SYNE4: variants seen among roughly 807,000 people sequenced by gnomAD.
SYNE4 encodes the protein spectrin repeat containing nuclear envelope family member 4, also known as nesprin-4.
A neutral mutation model predicts 46.9 loss-of-function variants in SYNE4; 41 were observed. That is an observed-to-expected ratio of 0.87 (90% CI 0.68 to 1.13). The LOEUF is 1.13. Among genes scored for constraint, SYNE4 ranks in the 50% most tolerant of loss-of-function variants. The probability of loss-of-function intolerance (pLI) is 0.00; values close to 1 mark genes in which losing one functional copy is unlikely to be tolerated. For missense variants in SYNE4, 492 were observed against 514.8 expected (o/e 0.96, Z 0.43); for synonymous variants, 221 against 219.5 (o/e 1.01, Z -0.06).
intron 5 of SYNE4, chr19:36,006,113 C>G (rs1021872848): frequency 3.4e-5 from 12 of 349,330 alleles, no homozygotes; most frequent in Non-Finnish European, 2.6e-5. Context: ...TAGGAGTGCT[C>G]ATGTTTGGAG....
chr19:36,006,456 C>G lies in SYNE4; in HGVS notation c.834G>C (p.Gln278His), dbSNP rs2285422. 1,515,766 of 1,612,406 alleles carry G rather than the reference C, an allele frequency of 0.94. 713,595 individuals carry two copies. Among genetic ancestry groups the G allele is most frequent in the African/African-American group, 0.99 (74,164 of 74,992 alleles). Residue 278 changes from glutamine (Q) to histidine (H), a missense_variant, in exon 5 of 8, where the codon CAG becomes CAC. Gln to His is a conservative substitution (Grantham distance 24). Transcript: ENST00000324444. Reference protein sequence around the residue: ...TLGVPCELCGQRGPQGRGQGL... With the variant: ...TLGVPCELCGHRGPQGRGQGL... ...CTTGTCCCCTGCCCTGGGGCCCCCT[C>G]TGGCCACACAGCTCACAGGGCACTC...
At position 36,003,616 on chromosome 19, in the gene SYNE4, G is replaced by A; in HGVS notation, c.1028C>T (p.Pro343Leu). 1 of 1,612,942 alleles carries A rather than the reference G, an allele frequency of 6.2e-7. No individual in the cohort carries two copies. The highest frequency in any genetic ancestry group is 8.5e-7 in the Non-Finnish European group (1 of 1,179,600). The change falls in exon 7 of 8, where the codon CCA (proline) becomes CTA (leucine). Residue 343 changes from proline (P) to leucine (L), a missense_variant. Physicochemically the swap from Pro to Leu is moderately conservative, Grantham distance 98. Transcript: ENST00000324444. ...HLQDVRLEGN[P>L]GAPDPASRQP... The stretch of plus-strand genomic sequence containing the variant: ...TCCCATCTCTCAGGCACCTCACCCT[G>A]GATTCCCCTCCAGCCTCACATCCTG...
In SYNE4 at chr19:36,006,509, A is replaced by G. The variant is rs1404784912; in HGVS notation, c.781T>C (p.Leu261=). Residue 261 remains leucine (L), a synonymous_variant, in exon 5 of 8, where the codon TTG becomes CTG. Transcript: ENST00000324444. ...PAGDIGGLGP[L]GQKTARTLGV... is the part of the protein sequence containing the mutation. ...AGTGTCCGGGCTGTCTTTTGTCCCA[A>G]GGGCCCAAGGCCCCCAATGTCCCCC... 6.2e-6 allele frequency: 10 copies of G among 1,610,186 alleles called. No individual in the cohort carries two copies. The South Asian group carries it at 1.1e-4, about 18-fold the overall frequency.
Position 36,003,649 on chromosome 19 carries a change from G to A in SYNE4, c.995C>T (p.Pro332Leu), listed in dbSNP as rs779976181. Residue 332 changes from proline (P) to leucine (L), a missense_variant, in exon 7 of 8, where the codon CCT becomes CTT. Physicochemically the swap from Pro to Leu is moderately conservative, Grantham distance 98. Coordinates refer to ENST00000324444, the MANE Select transcript of SYNE4 (RefSeq NM_001039876.3). ...CTCCAGCCTCACATCCTGGAGATGA[G>A]GAGATGCTTGCCTCTTCTTGTCCTA... ...KPQDKKRQAS[P>L]HLQDVRLEGN... The A allele has an allele frequency of 1.9e-5, 31 of 1,613,044 alleles. No individual in the cohort carries two copies. Among genetic ancestry groups the A allele is most frequent in the Non-Finnish European group, 8.5e-6 (10 of 1,179,730 alleles).
rs2285424 is a variant in SYNE4 at position 36,008,271 on chromosome 19, C to T, written c.225G>A (p.Pro75=). The change falls in exon 2 of 8, where the codon CCG becomes CCA. Residue 75 remains proline (P), a synonymous_variant. Transcript: ENST00000324444. ...CGTAGGAAGAGGGTGTTGACCATCTCGGGGGGTGAGCGGCAGGCTCATTGC... is the reference window on the plus strand; with the variant it reads ...CGTAGGAAGAGGGTGTTGACCATCTTGGGGGGTGAGCGGCAGGCTCATTGC... ...PRGNEPAAHP[P]RWSTPSSYED... 323,165 of 1,605,578 alleles carry T rather than the reference C, an allele frequency of 0.2. 39,697 individuals carry two copies. Among genetic ancestry groups the T allele is most frequent in the African/African-American group, 0.56 (41,963 of 74,674 alleles).
chr19:36,005,616 G>T, intron 5 of SYNE4, 179 bp from the exon 6 acceptor site: 1 of 611,962 alleles, frequency 1.6e-6, no homozygotes, highest in Non-Finnish European at 2.8e-6. Flanking sequence ...ATGAGTTTCT[G>T]TTACAAGCCA....
Position 36,006,429 on chromosome 19 carries a change from G to C in SYNE4, c.861C>G (p.Gly287=), listed in dbSNP as rs761270550. The change falls in exon 5 of 8, where the codon GGC becomes GGG. Residue 287 remains glycine (G), a synonymous_variant. Coordinates refer to ENST00000324444, the MANE Select transcript of SYNE4 (RefSeq NM_001039876.3). ...GQRGPQGRGQ[G]LEEADTSHSR... is the part of the protein sequence containing the mutation. ...CAAGGGGGTCTGCTCTCACCTCAAG[G>C]CCTTGTCCCCTGCCCTGGGGCCCCC... 3 of 1,609,572 alleles carry C rather than the reference G, an allele frequency of 1.9e-6. No individual in the cohort carries two copies. The East Asian group carries it at 6.7e-5, about 36-fold the overall frequency.
In SYNE4 at chr19:36,006,960, CAT is replaced by C. The variant is rs1968374901; in HGVS notation, c.424-18_424-17del. On this transcript the variant is annotated splice_polypyrimidine_tract_variant and intron_variant, in intron 3 of 7. Transcript: ENST00000324444. ...CCTGGAGGGCCTGGGGACATATGGACATCACCCCACGCACACACCAGGGACCC... is the reference window on the plus strand; with the variant it reads ...CCTGGAGGGCCTGGGGACATATGGACCACCCCACGCACACACCAGGGACCC... 1 of 1,540,102 alleles carries C rather than the reference CAT, an allele frequency of 6.5e-7. No homozygotes were observed. Among genetic ancestry groups the C allele is most frequent in the Non-Finnish European group, 8.8e-7 (1 of 1,141,282 alleles).
At chr19:36,004,348 AC>A (rs1183763331) in intron 6 of SYNE4, among the ~76,000 whole-genome samples, 1 of 152,064 alleles carries the variant, frequency 6.6e-6, no homozygotes, top group East Asian at 1.9e-4. Context: ...TGTCACCTTT[AC>A]CCTACTACGA....
rs147433902 is a variant in SYNE4, at chr19:36,006,485, G to A, written c.805C>T (p.Leu269=). The A allele has an allele frequency of 5.7e-3, 9,115 of 1,612,300 alleles. 45 individuals are homozygous for A. The highest frequency in any genetic ancestry group is 0.021 in the Middle Eastern group (127 of 5,930). The change falls in exon 5 of 8, where the codon CTA becomes TTA. Residue 269 remains leucine, a synonymous_variant. Coordinates refer to ENST00000324444, the MANE Select transcript of SYNE4 (RefSeq NM_001039876.3). ...CCACACAGCTCACAGGGCACTCCTA[G>A]TGTCCGGGCTGTCTTTTGTCCCAAG... The part of the protein sequence containing the change: ...GPLGQKTART[L]GVPCELCGQR...
chr19:36,008,253 A>G lies in SYNE4; in HGVS notation c.243T>C (p.Ser81=), dbSNP rs149158221. ...AAHPPRWSTP[S]SYEDPAGGKH... ...TGCCCCCAGCTGGGTCCTCGTAGGA[A>G]GAGGGTGTTGACCATCTCGGGGGGT... The change falls in exon 2 of 8, where the codon TCT becomes TCC. Residue 81 remains serine, a synonymous_variant. Transcript: ENST00000324444. The G allele has an allele frequency of 1.8e-4, 291 of 1,610,782 alleles. 1 individual carries two copies. In the African/African-American group the frequency reaches 1.8e-3, roughly 10 times the overall value.
intron 5 of SYNE4, 123 bp from the exon 6 acceptor site, chr19:36,005,560 C>T: frequency 1.3e-6 from 1 of 769,438 alleles, no homozygotes; most frequent in Non-Finnish European, 2.1e-6. Flanking sequence ...GCCAAAGAAA[C>T]CAAGAGAGGA....
chr19:36,006,796 AAG>A lies in SYNE4; in HGVS notation c.570_571del (p.Phe191ProfsTer49), dbSNP rs1568531454. ...GGCCTGCAGCTGCCAGAGCCGCCGG[AAG>A]ATGGAGTCTCGGTAAGCTCCCAGGG... On this transcript the variant is annotated frameshift_variant, in exon 4 of 8. Transcript: ENST00000324444. LOFTEE classifies it high-confidence loss of function. 6.2e-7 allele frequency: 1 copy of A among 1,611,754 alleles called. No individual in the cohort carries two copies. Among genetic ancestry groups the A allele is most frequent in the East Asian group, 2.2e-5 (1 of 44,784 alleles).
chr19:36,003,520 C>T lies in SYNE4; in HGVS notation c.1032G>A (p.Gly344=). 1 of 1,597,474 alleles carries T rather than the reference C, an allele frequency of 6.3e-7. No individual in the cohort carries two copies. The highest frequency in any genetic ancestry group is 2.3e-5 in the East Asian group (1 of 44,068). ...GCTGCCTGGATGCAGGATCGGGGGC[C>T]CTGTGAAGGGAAATGCAGTGTTAAA... ...LQDVRLEGNP[G]APDPASRQPL... is the part of the protein sequence containing the mutation. Residue 344 remains glycine (G), a splice_region_variant and synonymous_variant, in exon 8 of 8, where the codon GGG becomes GGA. Coordinates refer to ENST00000324444, the MANE Select transcript of SYNE4 (RefSeq NM_001039876.3).
At chr19:36,004,120 T>C (rs1976769080) in intron 6 of SYNE4, among the ~76,000 whole-genome samples, 1 of 152,114 alleles carries the variant, frequency 6.6e-6, no homozygotes, top group African/African-American at 2.4e-5. Flanking sequence ...GTGATCCTCT[T>C]ACCTCAGCCT....
intron 5 of SYNE4, 59 bp from the exon 6 acceptor site, chr19:36,005,496 T>C: frequency 1.3e-6 from 2 of 1,513,234 alleles, no homozygotes; most frequent in Non-Finnish European, 1.8e-6. Flanking sequence ...AGGGATGTCA[T>C]AGAGATGAGA....
intron 5 of SYNE4, 181 bp from the exon 6 acceptor site, chr19:36,005,618 T>C (rs781184325): frequency 3.6e-5 from 22 of 608,516 alleles, no homozygotes; most frequent in Non-Finnish European, 5.4e-5. Context: ...GAGTTTCTGT[T>C]ACAAGCCAGG....
In SYNE4 at chr19:36,005,280, G is replaced by A. The variant is rs1599676094; in HGVS notation, c.972+53C>T. The A allele has an allele frequency of 2.6e-6, 4 of 1,525,026 alleles. No homozygotes were observed. In the East Asian group the frequency reaches 9.1e-5, roughly 35 times the overall value. The allele number at this position is 1,525,026 out of a possible 1,614,324, so 94.5% of individuals were successfully genotyped here. The stretch of plus-strand genomic sequence containing the variant: ...GTGCCTTTTGATTTCTTGGGTTTCT[G>A]TCACTTGCCATCAAGATTCCTGAGT... On this transcript the variant is annotated intron_variant, in intron 6 of 7. Transcript: ENST00000324444.
chr19:36,004,882 T>TG (rs1976795544), intron 6 of SYNE4, among the ~76,000 whole-genome samples: 1 of 144,492 alleles, frequency 6.9e-6, no homozygotes, highest in East Asian at 2.0e-4. Context: ...TTTTTTTTTT[T>TG]TTTTTTTTTT....
Sources: allele counts gnomAD v4.1 joint callset (sites outside exome capture counted in the v4.1 genomes callset), GRCh38; gene constraint gnomAD v4.1.1; transcripts MANE v1.5; gene names NCBI Gene and HGNC (gene_info 2026-07-23, HGNC 2026-07-21).